Variants in EFCAB6 observed in about 807,000 individuals in gnomAD.
The protein encoded by EFCAB6 is EF-hand calcium binding domain 6.
In EFCAB6, 156 loss-of-function variants were observed where a neutral mutation model predicts 169.8. That is an observed-to-expected ratio of 0.92 (90% CI 0.81 to 1.05). The LOEUF is 1.05. Among genes scored for constraint, EFCAB6 ranks in the 50% least tolerant of loss-of-function variants. EFCAB6 has a pLI of 0.00. For missense variants in EFCAB6, 1,800 were observed against 1,829.1 expected, an observed-to-expected ratio of 0.98 and a Z score of 0.29; for synonymous variants, 698 against 676.4, an observed-to-expected ratio of 1.03 and a Z score of -0.50.
rs2055293167 is a variant in EFCAB6, at chr22:43,635,171, G to A, written c.2029C>T (p.Leu677=). The change falls in exon 18 of 32, where the codon CTG becomes TTG. Residue 677 remains leucine, a synonymous_variant. Coordinates refer to ENST00000262726, the MANE Select transcript of EFCAB6 (RefSeq NM_022785.4). ...GMPMDDDQYA[L]LTTKIGFEKE... ...TCGAAGCCTATTTTAGTGGTCAGCAGGGCATACTGATCATCGTCCATGGGC... is the reference window on the plus strand; with the variant it reads ...TCGAAGCCTATTTTAGTGGTCAGCAAGGCATACTGATCATCGTCCATGGGC... 9.9e-6 allele frequency: 16 copies of A among 1,614,164 alleles called. No homozygotes were observed. The highest frequency in any genetic ancestry group is 1.3e-5 in the Non-Finnish European group (15 of 1,180,022).
intron 12 of EFCAB6, among the ~76,000 whole-genome samples, chr22:43,681,056 A>G (rs2057987883): frequency 6.6e-6 from 1 of 152,178 alleles, no homozygotes; most frequent in South Asian, 2.1e-4. Flanking sequence ...AGGAGGAAGG[A>G]GTTCAGTCTT....
Position 43,537,414 on chromosome 22 carries a change from C to T in EFCAB6, c.4011G>A (p.Val1337=). The change falls in exon 29 of 32, where the codon GTG becomes GTA. Residue 1337 remains valine (V), a synonymous_variant. Transcript: ENST00000262726. The surrounding 1 kb of genome is among the most constrained non-coding windows in gnomAD (Gnocchi z 4.3). ...AGGCGTTGATGTCCCCCTGTCTGGC[C>T]ACGTCCTTCTCCTTGCATTCTTTCA... ...QLLKECKEKD[V]ARQGDINASD... is the part of the protein sequence containing the mutation. 1 of 1,614,124 alleles carries T rather than the reference C, an allele frequency of 6.2e-7. No homozygotes were observed. The highest frequency in any genetic ancestry group is 8.5e-7 in the Non-Finnish European group (1 of 1,180,016).
intron 27 of EFCAB6, among the ~76,000 whole-genome samples, chr22:43,544,727 C>T (rs1022853670): frequency 6.6e-6 from 1 of 152,112 alleles, no homozygotes; most frequent in Non-Finnish European, 1.5e-5. Flanking sequence ...AAAAAAAAAC[C>T]TCTTTCTGCT....
At chr22:43,650,575 T>C (rs1246358388) in intron 17 of EFCAB6, among the ~76,000 whole-genome samples, 3 of 152,314 alleles carry the variant, frequency 2.0e-5, no homozygotes, top group Non-Finnish European at 2.9e-5. Flanking sequence ...GGGGCATTGC[T>C]GAAAAGATAC....
chr22:43,685,357 T>C (rs1253438862), intron 11 of EFCAB6, among the ~76,000 whole-genome samples: 2 of 151,920 alleles, frequency 1.3e-5, no homozygotes, highest in Non-Finnish European at 2.9e-5. Context: ...GGGGGGAAGA[T>C]TTGCCCTCAG....
chr22:43,727,085 A>C (rs1008821382), intron 8 of EFCAB6, among the ~76,000 whole-genome samples: 3 of 152,178 alleles, frequency 2.0e-5, no homozygotes, highest in South Asian at 2.1e-4. Context: ...AAGTTTTAAA[A>C]CCCAAACCCT....
At chr22:43,600,952 C>T (rs1311364148) in intron 22 of EFCAB6, among the ~76,000 whole-genome samples, 1 of 152,190 alleles carries the variant, frequency 6.6e-6, no homozygotes, top group Non-Finnish European at 1.5e-5. Context: ...CGTGAGCTGC[C>T]ACACCTCGCC....
chr22:43,783,026 G>A (rs1280251986), intron 2 of EFCAB6, among the ~76,000 whole-genome samples: 1 of 152,144 alleles, frequency 6.6e-6, no homozygotes, highest in Non-Finnish European at 1.5e-5. Context: ...ACAGTCACTG[G>A]AGTGGACAGA....
chr22:43,801,607 GT>G (rs1374723222), intron 2 of EFCAB6, among the ~76,000 whole-genome samples: 4 of 152,114 alleles, frequency 2.6e-5, no homozygotes, highest in African/African-American at 7.2e-5. Flanking sequence ...TTAGTGTAGA[GT>G]TTTTTCATTT....
intron 21 of EFCAB6, among the ~76,000 whole-genome samples, chr22:43,612,078 A>G (rs2053351210): frequency 6.6e-6 from 1 of 152,232 alleles, no homozygotes; most frequent in African/African-American, 2.4e-5. Flanking sequence ...CCCCTATTCA[A>G]TAAATGGTGC....
rs1219116212 is a variant in EFCAB6, at chr22:43,678,082, T to C, written c.1333A>G (p.Lys445Glu). 1 of 1,614,056 alleles carries C rather than the reference T, an allele frequency of 6.2e-7. No homozygotes were observed. The highest frequency in any genetic ancestry group is 8.5e-7 in the Non-Finnish European group (1 of 1,180,008). ...GGGTCAAGCATTTGCATTAGTTCTT[T>C]GAATTCTGAATCGCTTAGTTTTACA... Reference protein sequence around the residue: ...MAVKLSDSEFKELMQMLDPGD... With the variant: ...MAVKLSDSEFEELMQMLDPGD... Residue 445 changes from lysine (K) to glutamate (E), a missense_variant, in exon 13 of 32, where the codon AAA becomes GAA. Physicochemically the swap from Lys to Glu is moderately conservative, Grantham distance 56. Transcript: ENST00000262726.
In EFCAB6 at chr22:43,635,470, G is replaced by A. The variant is rs566966555; in HGVS notation, c.1984-254C>T. On this transcript the variant is annotated intron_variant, in intron 17 of 31. Coordinates refer to ENST00000262726, the MANE Select transcript of EFCAB6 (RefSeq NM_022785.4). ...GTTGGCATGGTGCTCAGGCCCACAG[G>A]TGCCACTGCAGACTTTTCCAAGCCG... Among the ~76,000 whole-genome samples, 29 of 152,258 alleles carry A rather than the reference G, an allele frequency of 1.9e-4. No individual in the cohort carries two copies. The East Asian group carries it at 2.3e-3, about 12-fold the overall frequency.
chr22:43,569,568 G>A lies in EFCAB6; in HGVS notation c.3420+6729C>T, dbSNP rs538721098. Among the ~76,000 whole-genome samples the A allele has an allele frequency of 3.3e-5, 5 of 152,332 alleles. No individual in the cohort carries two copies. In the South Asian group the frequency reaches 1.0e-3, roughly 32 times the overall value. On this transcript the variant is annotated intron_variant, in intron 26 of 31. Transcript: ENST00000262726. ...TGCCTGGTTCCCACTGAACCACCAC[G>A]TGATGATGCCTGTAGGCCCTGCTGG...
At chr22:43,716,768 T>G (rs1251799884) in intron 9 of EFCAB6, 80 bp downstream of exon 9, 2 of 1,502,842 alleles carry the variant, frequency 1.3e-6, no homozygotes, top group African/African-American at 2.8e-5. Flanking sequence ...AGAAATAATG[T>G]GTAAACCTAA....
At chr22:43,530,496 G>C in intron 31 of EFCAB6, 1 of 983,790 alleles carries the variant, frequency 1.0e-6, no homozygotes. Flanking sequence ...GTGGGGAGAG[G>C]GCTCGGAGCA....
chr22:43,697,944 A>C (rs572281136), intron 10 of EFCAB6, among the ~76,000 whole-genome samples: 3 of 152,170 alleles, frequency 2.0e-5, no homozygotes, highest in African/African-American at 7.2e-5. Context: ...GGGACTGATC[A>C]TATCGGTCAT....
chr22:43,807,488 ATTTG>A lies in EFCAB6; in HGVS notation c.-8+1503_-8+1506del, dbSNP rs376510187. Among the ~76,000 whole-genome samples the A allele has an allele frequency of 4.9e-4, 74 of 152,346 alleles. 1 individual carries two copies. In the Middle Eastern group the frequency reaches 0.02, roughly 42 times the overall value. On this transcript the variant is annotated intron_variant, in intron 2 of 31. Transcript: ENST00000262726. ...AATTAGAAGGCTATCTCACTGATAT[ATTTG>A]TTTATTTGCCAGAGAAGTATTGATG...
chr22:43,638,786 G>T (rs932612770), intron 17 of EFCAB6, among the ~76,000 whole-genome samples: 1 of 151,116 alleles, frequency 6.6e-6, no homozygotes, highest in African/African-American at 2.4e-5. Flanking sequence ...CCTGCACCCT[G>T]TTCTTTTTTT....
intron 4 of EFCAB6, among the ~76,000 whole-genome samples, chr22:43,772,671 T>C (rs1270345311): frequency 6.9e-6 from 1 of 145,862 alleles, no homozygotes; most frequent in Admixed American, 6.8e-5. Flanking sequence ...AAGAAAGAAA[T>C]GAAAAGAAAC....
Sources: gnomAD v4.1 joint callset for allele counts (sites outside exome capture counted in the v4.1 genomes callset) on GRCh38, gnomAD v4.1.1 for gene constraint, Gnocchi (gnomAD v3.1) non-coding constraint, MANE v1.5 for transcripts, NCBI Gene and HGNC (gene_info 2026-07-23, HGNC 2026-07-21) for gene names.